AFF3: variants seen among roughly 807,000 people sequenced by gnomAD.
AFF3 encodes AF4/FMR2 family member 3.
AFF3 carries 32 observed loss-of-function variants against 129.7 expected under a neutral mutation model. The observed-to-expected ratio is 0.25, with a 90% CI of 0.19 to 0.33. AFF3 has a LOEUF of 0.33. Among genes scored for constraint, AFF3 ranks in the 10% least tolerant of loss-of-function variants. The pLI, the probability that AFF3 is intolerant of heterozygous loss-of-function variation, is 1.00. For synonymous variants in AFF3, 644 were observed against 635.4 expected, an observed-to-expected ratio of 1.01 and a Z score of -0.20; for missense variants, 1,373 against 1,592.0, an observed-to-expected ratio of 0.86 and a Z score of 2.34.
intron 1 of AFF3, among the ~76,000 whole-genome samples, chr2:100,133,142 TG>T (rs1692493511): frequency 6.6e-6 from 1 of 151,902 alleles, no homozygotes. Flanking sequence ...GGCTCACACC[TG>T]TAATCTCAGC....
intron 7 of AFF3, among the ~76,000 whole-genome samples, chr2:99,949,004 T>C (rs1240324762): frequency 6.6e-6 from 1 of 152,198 alleles, no homozygotes; most frequent in African/African-American, 2.4e-5. Flanking sequence ...TGGCATAGTG[T>C]TTATTTCAGC....
intron 7 of AFF3, among the ~76,000 whole-genome samples, chr2:99,898,567 C>T (rs577236848): frequency 1.3e-5 from 2 of 152,304 alleles, no homozygotes; most frequent in South Asian, 4.2e-4. Context: ...TTCTCCTTTT[C>T]CATCATCTTC....
intron 18 of AFF3, among the ~76,000 whole-genome samples, chr2:99,577,370 CGG>C (rs1677099134): frequency 2.0e-5 from 3 of 152,082 alleles, no homozygotes; most frequent in African/African-American, 7.2e-5. Context: ...CCTTAGGAGA[CGG>C]CATTTAATGG....
At chr2:100,051,965 T>G (rs1686372546) in intron 4 of AFF3, among the ~76,000 whole-genome samples, 1 of 152,210 alleles carries the variant, frequency 6.6e-6, no homozygotes. Flanking sequence ...GCTGTGAGTC[T>G]TCAAGACCTG....
At chr2:99,741,516 C>T (rs549731211) in intron 10 of AFF3, among the ~76,000 whole-genome samples, 15 of 152,164 alleles carry the variant, frequency 9.9e-5, no homozygotes, top group East Asian at 5.8e-4. Context: ...TTACAAGGGA[C>T]GTGAAGGACC....
intron 10 of AFF3, among the ~76,000 whole-genome samples, chr2:99,742,821 C>T (rs916376572): frequency 2.6e-5 from 4 of 152,308 alleles, no homozygotes; most frequent in African/African-American, 7.2e-5. Context: ...TAAGTCAGGA[C>T]GCTAGCGCAG....
chr2:100,033,982 G>C (rs903173799), intron 4 of AFF3, among the ~76,000 whole-genome samples: 17 of 152,158 alleles, frequency 1.1e-4, no homozygotes, highest in East Asian at 1.9e-4. Flanking sequence ...ATATTATATA[G>C]GGCACAGAAT....
rs760333652 is a variant in AFF3, at chr2:99,601,551, T to C, written c.1255A>G (p.Ser419Gly). ...SSKGSSSSSSSGSSSSSSDSE... is the reference protein window; with the variant it reads ...SSKGSSSSSSGGSSSSSSDSE... ...TCGCTGGAGGAGCTGCTGCTGCCGC[T>C]GCTGCTGCTGCTGCTGCTGCCCTTG... is the stretch of plus-strand genomic sequence containing the variant. The change falls in exon 14 of 25, where the codon AGC becomes GGC. Residue 419 changes from serine to glycine, a missense_variant. By Grantham distance (56) the Ser-to-Gly change is moderately conservative (BLOSUM62 0). Around this residue, in one of 9 missense-constraint regions of AFF3, gnomAD observed 413 missense variants for 424.4 expected, o/e 0.97. Coordinates refer to ENST00000672756, the MANE Select transcript of AFF3 (RefSeq NM_001386135.1). 4.1e-5 allele frequency: 61 copies of C among 1,472,752 alleles called. No individual in the cohort carries two copies. The highest frequency in any genetic ancestry group is 2.5e-4 in the South Asian group (19 of 75,178). The allele number at this position is 1,472,752 out of a possible 1,614,324, so 91.2% of individuals were successfully genotyped here.
At chr2:99,950,488 C>T (rs1287437992) in intron 7 of AFF3, among the ~76,000 whole-genome samples, 1 of 152,124 alleles carries the variant, frequency 6.6e-6, no homozygotes, top group African/African-American at 2.4e-5. Flanking sequence ...TATACCAGAG[C>T]CTGGGTCATG....
intron 11 of AFF3, among the ~76,000 whole-genome samples, chr2:99,682,748 G>T (rs1290959198): frequency 2.0e-5 from 3 of 152,160 alleles, no homozygotes; most frequent in Non-Finnish European, 4.4e-5. Flanking sequence ...CTGCCGATAG[G>T]GTTTTTGGTT....
intron 4 of AFF3, among the ~76,000 whole-genome samples, chr2:100,079,820 G>A (rs531747544): frequency 1.8e-4 from 27 of 152,312 alleles, no homozygotes; most frequent in African/African-American, 6.5e-4. Context: ...TGCCGCAGAT[G>A]TTATATCTGC....
At chr2:99,569,088 C>T (rs1332768748) in intron 18 of AFF3, among the ~76,000 whole-genome samples, 173 bp from the exon 19 acceptor site, 1 of 152,192 alleles carries the variant, frequency 6.6e-6, no homozygotes, top group Admixed American at 6.5e-5. Flanking sequence ...TACCACAATA[C>T]ATTTTCTCTT....
At chr2:99,570,278 T>C (rs1311116486) in intron 18 of AFF3, among the ~76,000 whole-genome samples, 2 of 152,218 alleles carry the variant, frequency 1.3e-5, no homozygotes, top group African/African-American at 4.8e-5. Flanking sequence ...TATTGACACA[T>C]ATTGTAAGAA....
At chr2:99,883,236 T>G (rs1037598313) in intron 7 of AFF3, among the ~76,000 whole-genome samples, 7 of 152,200 alleles carry the variant, frequency 4.6e-5, no homozygotes, top group African/African-American at 1.7e-4. Flanking sequence ...TACGATATCT[T>G]CATAAAAACA....
At chr2:100,073,678 A>G (rs2105315748) in intron 4 of AFF3, among the ~76,000 whole-genome samples, 1 of 152,358 alleles carries the variant, frequency 6.6e-6, no homozygotes, top group South Asian at 2.1e-4. Context: ...AATAAAGGCA[A>G]GTTCATATAT....
rs754802511 is a variant in AFF3, at chr2:99,554,335, C to T, written c.3535G>A (p.Asp1179Asn). The T allele has an allele frequency of 6.2e-6, 10 of 1,614,064 alleles. No individual in the cohort carries two copies. Among genetic ancestry groups the T allele is most frequent in the Admixed American group, 3.3e-5 (2 of 60,006 alleles). ...LHSYDYWEMA[D>N]NLAKENREFF... ...CCTCGGTTTTCCTTGGCCAGGTTGT[C>T]GGCCATCTCCCAGTAGTCGTAGCTG... The change falls in exon 24 of 25, where the codon GAC (aspartate) becomes AAC (asparagine). Residue 1179 changes from aspartate to asparagine, a missense_variant. By Grantham distance (23) the Asp-to-Asn change is conservative. This residue lies in a region of AFF3 where 165 missense variants were observed against 234.0 expected (regional missense o/e 0.71). Coordinates refer to ENST00000672756, the MANE Select transcript of AFF3 (RefSeq NM_001386135.1).
chr2:99,551,250 G>A lies in AFF3; in HGVS notation c.*224C>T. On this transcript the variant is annotated 3_prime_UTR_variant, in exon 25 of 25. Transcript: ENST00000672756. The stretch of plus-strand genomic sequence containing the variant: ...GGGATTATGGAAACTAGACAAAGAA[G>A]GTGTGTTCTGAAGAGCTGTGTATCT... The A allele has an allele frequency of 1.7e-6, 1 of 594,454 alleles. No homozygotes were observed. Among genetic ancestry groups the A allele is most frequent in the Non-Finnish European group, 2.9e-6 (1 of 342,644 alleles). 36.8% of individuals were successfully genotyped at this position (594,454 alleles called of 1,614,324 possible).
At chr2:99,858,612 G>A (rs1690713449) in intron 7 of AFF3, among the ~76,000 whole-genome samples, 1 of 152,088 alleles carries the variant, frequency 6.6e-6, no homozygotes, top group South Asian at 2.1e-4. Flanking sequence ...ACATGGATGG[G>A]GCTGGAGGCC....
intron 7 of AFF3, among the ~76,000 whole-genome samples, chr2:99,956,681 G>A (rs1676679632): frequency 6.6e-6 from 1 of 152,164 alleles, no homozygotes; most frequent in South Asian, 2.1e-4. Flanking sequence ...AAATTCCAGA[G>A]ACATGTGTGT....
Sources: allele counts gnomAD v4.1 joint callset (sites outside exome capture counted in the v4.1 genomes callset), GRCh38; gene constraint gnomAD v4.1.1; regional missense constraint gnomAD v4.1.1; transcripts MANE v1.5; gene names NCBI Gene and HGNC (gene_info 2026-07-23, HGNC 2026-07-21).